The following RGS6 variants were observed in gnomAD, a reference collection of about 807,000 sequenced individuals.
The protein encoded by RGS6 is regulator of G-protein signaling 6.
RGS6 carries 30 observed loss-of-function variants against 78.5 expected under a neutral mutation model. The ratio of observed to expected loss-of-function variants is 0.38; its 90% confidence interval spans 0.29 to 0.52. RGS6 has a LOEUF of 0.52. Ranked by LOEUF, RGS6 falls within the 20% of genes least tolerant of loss-of-function variation. The pLI, the probability that RGS6 is intolerant of heterozygous loss-of-function variation, is 0.85. For synonymous variants in RGS6, 206 were observed against 206.0 expected (o/e 1.00, Z 0.00); for missense variants, 495 against 609.7 (o/e 0.81, Z 1.98).
chr14:72,511,424 G>T (rs375901310), intron 14 of RGS6, among the ~76,000 whole-genome samples: 1 of 152,246 alleles, frequency 6.6e-6, no homozygotes, highest in East Asian at 1.9e-4. Context: ...GCTGTATCAA[G>T]CCCTGTGAGA....
intron 2 of RGS6, among the ~76,000 whole-genome samples, chr14:72,133,284 A>G (rs1392655261): frequency 6.6e-6 from 1 of 150,546 alleles, no homozygotes; most frequent in Non-Finnish European, 1.5e-5. Context: ...AATTCCTTCA[A>G]TTTTTTTTTC....
chr14:72,475,853 C>CACAT (rs56346600), intron 10 of RGS6, among the ~76,000 whole-genome samples: 90 of 151,384 alleles, frequency 5.9e-4, no homozygotes, highest in African/African-American at 2.1e-3. Flanking sequence ...CACACACACA[C>CACAT]TAGACATGGC....
rs370759818 is a variant in RGS6 at position 72,198,298 on chromosome 14, A to C, written c.85-153797A>C. Among the ~76,000 whole-genome samples, 69 of 152,360 alleles carry C rather than the reference A, an allele frequency of 4.5e-4. 1 individual carries two copies. The highest frequency in any genetic ancestry group is 6.8e-3 in the Middle Eastern group (2 of 294). ...AGCCTCAGAAGTCCAGGCTTCAGTG[A>C]GCCAAAATTATGCCACTGCACTCCA... On this transcript the variant is annotated intron_variant, in intron 2 of 17. Coordinates refer to ENST00000553525, the MANE Select transcript of RGS6 (RefSeq NM_001204424.2).
chr14:72,159,495 G>T (rs1031458698), intron 2 of RGS6, among the ~76,000 whole-genome samples: 1 of 152,224 alleles, frequency 6.6e-6, no homozygotes, highest in African/African-American at 2.4e-5. Flanking sequence ...CATCCAGATT[G>T]TGATCTTGTT....
At chr14:71,950,199 C>T (rs1449268188) in intron 1 of RGS6, among the ~76,000 whole-genome samples, 1 of 152,122 alleles carries the variant, frequency 6.6e-6, no homozygotes, top group African/African-American at 2.4e-5. Context: ...TGACAGTCAC[C>T]AGAACAGCAT....
intron 2 of RGS6, among the ~76,000 whole-genome samples, chr14:72,058,526 GTTAT>G (rs1384835702): frequency 6.7e-6 from 1 of 149,770 alleles, no homozygotes; most frequent in East Asian, 1.9e-4. Context: ...TTTGTCTACT[GTTAT>G]TTAAGAGTAT....
chr14:72,323,050 G>A (rs911384823), intron 2 of RGS6, among the ~76,000 whole-genome samples: 2 of 151,906 alleles, frequency 1.3e-5, no homozygotes, highest in African/African-American at 4.8e-5. Flanking sequence ...GCTAGCCTAA[G>A]TAAACAAAAG....
chr14:72,237,318 T>C (rs966884403), intron 2 of RGS6, among the ~76,000 whole-genome samples: 1 of 152,226 alleles, frequency 6.6e-6, no homozygotes, highest in Admixed American at 6.5e-5. Context: ...CATGTTCTTA[T>C]GCAAGTCTTT....
chr14:72,324,174 G>C lies in RGS6; in HGVS notation c.85-27921G>C, dbSNP rs147301124. On this transcript the variant is annotated intron_variant, in intron 2 of 17. Coordinates refer to ENST00000553525, the MANE Select transcript of RGS6 (RefSeq NM_001204424.2). Reference sequence around the variant, plus strand: ...TATCCTAACAACCAGGAAGCTCTATGTAAGTGTCTAGAAATAGACCAAACT... The same window carrying C: ...TATCCTAACAACCAGGAAGCTCTATCTAAGTGTCTAGAAATAGACCAAACT... Among the ~76,000 whole-genome samples the C allele has an allele frequency of 1.3e-3, 190 of 151,968 alleles. 5 individuals carry two copies. In the South Asian group the frequency reaches 0.038, roughly 30 times the overall value.
At chr14:71,920,063 T>C in the RGS6 span, among the ~76,000 whole-genome samples, 1 of 152,160 alleles carries the variant, frequency 6.6e-6, no homozygotes, top group Non-Finnish European at 1.5e-5. Context: ...TATATGTAGC[T>C]AGGTTAGCAA....
the RGS6 span, among the ~76,000 whole-genome samples, chr14:71,879,294 A>G: frequency 6.6e-6 from 1 of 152,264 alleles, no homozygotes; most frequent in Non-Finnish European, 1.5e-5. Context: ...TTGGCTGGAC[A>G]TAATAGTAGC....
chr14:72,416,852 C>G (rs1037212910), intron 3 of RGS6, among the ~76,000 whole-genome samples: 1 of 152,234 alleles, frequency 6.6e-6, no homozygotes, highest in Admixed American at 6.5e-5. Flanking sequence ...GTTTCTTAAT[C>G]TCTCAATGTC....
chr14:72,407,662 A>G (rs1008114237), intron 3 of RGS6, among the ~76,000 whole-genome samples: 3 of 152,230 alleles, frequency 2.0e-5, no homozygotes, highest in African/African-American at 7.2e-5. Flanking sequence ...AGGAAATGTT[A>G]CTTTAGAATC....
intron 2 of RGS6, among the ~76,000 whole-genome samples, chr14:72,245,164 G>A (rs2053910349): frequency 6.6e-6 from 1 of 152,242 alleles, no homozygotes; most frequent in Non-Finnish European, 1.5e-5. Flanking sequence ...AAAAGACAGA[G>A]TAACAAGAGA....
At chr14:72,283,178 T>C (rs1177315649) in intron 2 of RGS6, among the ~76,000 whole-genome samples, 1 of 152,226 alleles carries the variant, frequency 6.6e-6, no homozygotes, top group Non-Finnish European at 1.5e-5. Flanking sequence ...CATCCATCAA[T>C]GAGACACTTA....
chr14:72,247,379 C>T (rs1262359508), intron 2 of RGS6, among the ~76,000 whole-genome samples: 2 of 152,210 alleles, frequency 1.3e-5, no homozygotes, highest in African/African-American at 2.4e-5. Flanking sequence ...AGCTCTTCTA[C>T]TCCTGCAAAC....
intron 2 of RGS6, among the ~76,000 whole-genome samples, chr14:72,245,100 A>G (rs916933981): frequency 1.8e-4 from 27 of 152,252 alleles, no homozygotes; most frequent in African/African-American, 5.5e-4. Flanking sequence ...TTGGGGAGGA[A>G]AAACATCTCT....
In RGS6 at chr14:72,510,142, T is replaced by C. The variant is rs756846847; in HGVS notation, c.966-12T>C. ...ATTGATCTTCTTTAAACCTTCTTCC[T>C]TCACCCCAAAGCAAAGAGCCCAGCC... is the stretch of plus-strand genomic sequence containing the variant. On this transcript the variant is annotated splice_polypyrimidine_tract_variant and intron_variant, in intron 13 of 17. Transcript: ENST00000553525. 3.2e-6 allele frequency: 5 copies of C among 1,586,954 alleles called. No homozygotes were observed. The highest frequency in any genetic ancestry group is 4.3e-6 in the Non-Finnish European group (5 of 1,170,414).
At chr14:72,429,662 A>G (rs75642311) in intron 3 of RGS6, among the ~76,000 whole-genome samples, 1,584 of 152,344 alleles carry the variant, frequency 0.01, 53 homozygotes, top group East Asian at 0.086. Flanking sequence ...CACAGGTGCC[A>G]TAGGATAGAA....
Sources: gnomAD v4.1 joint callset for allele counts (sites outside exome capture counted in the v4.1 genomes callset) on GRCh38, gnomAD v4.1.1 for gene constraint, MANE v1.5 for transcripts, NCBI Gene and HGNC (gene_info 2026-07-23, HGNC 2026-07-21) for gene names.